LRBA: variants seen among roughly 807,000 people sequenced by gnomAD.
LRBA encodes lipopolysaccharide-responsive and beige-like anchor protein.
A neutral mutation model predicts 330.0 loss-of-function variants in LRBA; 176 were observed. The observed-to-expected ratio is 0.53, with a 90% confidence interval of 0.47 to 0.60. The LOEUF is 0.60. Ranked by LOEUF, LRBA falls within the 20% of genes least tolerant of loss-of-function variation. The pLI is 0.00. For synonymous variants in LRBA, 1,230 were observed against 1,193.0 expected (o/e 1.03, Z -0.64); for missense variants, 3,259 against 3,444.8 (o/e 0.95, Z 1.35).
intron 36 of LRBA, among the ~76,000 whole-genome samples, chr4:150,700,758 CT>C (rs35721808): frequency 0.36 from 50,449 of 141,662 alleles, 9,239 homozygotes; most frequent in Middle Eastern, 0.46. Context: ...CTATAATTTC[CT>C]TTTTTTTTTT....
chr4:150,338,994 C>CACA, intron 48 of LRBA, among the ~76,000 whole-genome samples: 1 of 149,794 alleles, frequency 6.7e-6, no homozygotes, highest in Non-Finnish European at 1.5e-5. Context: ...CACACACACA[C>CACA]AAGTAGTGAA....
chr4:150,661,363 A>C (rs1781078211), intron 37 of LRBA, among the ~76,000 whole-genome samples: 1 of 149,368 alleles, frequency 6.7e-6, no homozygotes. Context: ...CAGGAGGCTG[A>C]GGCGGAAGAA....
At chr4:150,951,741 T>C (rs938934563) in intron 2 of LRBA, among the ~76,000 whole-genome samples, 5 of 152,216 alleles carry the variant, frequency 3.3e-5, no homozygotes, top group Non-Finnish European at 5.9e-5. Flanking sequence ...CTGGTAACTA[T>C]ATACAGAATC....
chr4:150,745,799 CCA>C (rs1239460733), intron 35 of LRBA, among the ~76,000 whole-genome samples: 39 of 151,996 alleles, frequency 2.6e-4, no homozygotes, highest in Non-Finnish European at 4.4e-5. Flanking sequence ...CAGGCGTCAG[CCA>C]CTGCGCCCAG....
intron 49 of LRBA, among the ~76,000 whole-genome samples, chr4:150,323,929 T>G (rs1732892564): frequency 6.6e-6 from 1 of 152,172 alleles, no homozygotes; most frequent in South Asian, 2.1e-4. Context: ...GTTTCATCAG[T>G]TTTCCCAGAT....
intron 48 of LRBA, among the ~76,000 whole-genome samples, chr4:150,349,078 G>C (rs768491911): frequency 7.4e-4 from 113 of 152,178 alleles, no homozygotes; most frequent in Non-Finnish European, 3.1e-4. Context: ...CTAGTACACA[G>C]TGCTTTTGTG....
chr4:150,351,562 G>A (rs926784045), intron 47 of LRBA, among the ~76,000 whole-genome samples: 4 of 152,140 alleles, frequency 2.6e-5, no homozygotes, highest in African/African-American at 7.2e-5. Flanking sequence ...GGTGGCGGGC[G>A]CCTGTAGTCC....
intron 46 of LRBA, among the ~76,000 whole-genome samples, chr4:150,429,969 T>TG (rs1750155716): frequency 6.6e-6 from 1 of 152,258 alleles, no homozygotes; most frequent in East Asian, 1.9e-4. Context: ...AAACGTGTTT[T>TG]GGGGGATTTT....
At chr4:150,469,532 T>C (rs1284319572) in intron 43 of LRBA, among the ~76,000 whole-genome samples, 1 of 152,218 alleles carries the variant, frequency 6.6e-6, no homozygotes, top group Non-Finnish European at 1.5e-5. Flanking sequence ...AAACTTGTTA[T>C]ATAAGTTTCC....
chr4:150,903,658 T>C (rs1051152249), intron 13 of LRBA, among the ~76,000 whole-genome samples: 1 of 152,168 alleles, frequency 6.6e-6, no homozygotes, highest in African/African-American at 2.4e-5. Context: ...GAGGATCACC[T>C]GAGCTGGGGA....
intron 40 of LRBA, among the ~76,000 whole-genome samples, chr4:150,541,076 T>G (rs1320277790): frequency 6.6e-6 from 1 of 152,186 alleles, no homozygotes; most frequent in Non-Finnish European, 1.5e-5. Flanking sequence ...TCTTCTCAAA[T>G]AACAAAGGTA....
chr4:150,497,924 T>C (rs1032313140), intron 40 of LRBA, among the ~76,000 whole-genome samples: 7 of 152,204 alleles, frequency 4.6e-5, no homozygotes, highest in African/African-American at 1.2e-4. Context: ...CGGGCTCCCA[T>C]TGAAGACTGT....
chr4:150,327,424 A>G (rs1733432495), intron 48 of LRBA, among the ~76,000 whole-genome samples: 1 of 152,158 alleles, frequency 6.6e-6, no homozygotes, highest in Admixed American at 6.5e-5. Flanking sequence ...ACAAGAGTAC[A>G]GCCTGAACAA....
At chr4:150,665,459 G>A (rs1353126729) in intron 37 of LRBA, among the ~76,000 whole-genome samples, 2 of 152,028 alleles carry the variant, frequency 1.3e-5, no homozygotes, top group Middle Eastern at 3.2e-3. Context: ...AGGATGAGAC[G>A]CTACGTTAAC....
At chr4:150,370,979 G>A (rs1015334397) in intron 47 of LRBA, among the ~76,000 whole-genome samples, 71 of 152,138 alleles carry the variant, frequency 4.7e-4, no homozygotes, top group African/African-American at 1.4e-3. Context: ...AAAGGAGTAT[G>A]GAACCCAAAA....
chr4:150,568,048 G>A (rs553765481), intron 40 of LRBA, among the ~76,000 whole-genome samples: 24 of 152,290 alleles, frequency 1.6e-4, no homozygotes, highest in African/African-American at 5.8e-4. Context: ...GCTCACGCCT[G>A]TAATCCCAGA....
intron 24 of LRBA, 77 bp from the exon 25 acceptor site, chr4:150,849,652 G>T: frequency 8.6e-7 from 1 of 1,161,380 alleles, no homozygotes; most frequent in Non-Finnish European, 1.3e-6. Context: ...GGGGAGGAAA[G>T]ATAAGAAGGT....
rs1196284808 is a variant in LRBA at position 150,583,545 on chromosome 4, G to A, written c.6330+4503C>T. The A allele has an allele frequency of 3.7e-6, 6 of 1,613,748 alleles. No individual in the cohort carries two copies. Among genetic ancestry groups the A allele is most frequent in the East Asian group, 4.5e-5 (2 of 44,872 alleles). Reference sequence around the variant, plus strand: ...AGCGCTATGTGGTGCAAATCACTCCGGCGTTCAAGTGCACCGGGATCTGGC... The same window carrying A: ...AGCGCTATGTGGTGCAAATCACTCCAGCGTTCAAGTGCACCGGGATCTGGC... On this transcript the variant is annotated intron_variant, in intron 40 of 56. Coordinates refer to ENST00000651943, the MANE Select transcript of LRBA (RefSeq NM_001364905.1). This position sits in a 1 kb window ranked among gnomAD's most constrained non-coding sequence, Gnocchi z 9.8.
At chr4:150,746,502 TCTTA>T (rs974963986) in intron 35 of LRBA, among the ~76,000 whole-genome samples, 3 of 150,890 alleles carry the variant, frequency 2.0e-5, no homozygotes, top group Admixed American at 6.6e-5. Flanking sequence ...AAGTTGTTTC[TCTTA>T]CTTTTTTTTT....
Sources: allele counts gnomAD v4.1 joint callset (sites outside exome capture counted in the v4.1 genomes callset), GRCh38; gene constraint gnomAD v4.1.1; non-coding constraint Gnocchi (gnomAD v3.1); transcripts MANE v1.5; gene names NCBI Gene and HGNC (gene_info 2026-07-23, HGNC 2026-07-21).